The following DIAPH3 variants were observed in gnomAD, a reference collection of about 807,000 sequenced individuals.
DIAPH3 encodes the protein protein diaphanous homolog 3.
Under a neutral mutation model 144.3 loss-of-function variants are expected in DIAPH3, and 117 were observed. That is an observed-to-expected ratio of 0.81 (90% CI 0.70 to 0.95). DIAPH3 has a LOEUF of 0.95. Among genes scored for constraint, DIAPH3 ranks in the 40% least tolerant of loss-of-function variants. The probability of loss-of-function intolerance (pLI) is 0.00; values close to 1 mark genes in which losing one functional copy is unlikely to be tolerated. For missense variants in DIAPH3, 1,421 were observed against 1,412.7 expected (o/e 1.01, Z -0.09); for synonymous variants, 519 against 488.9 (o/e 1.06, Z -0.81).
chr13:59,932,178 G>T (rs567665068), intron 17 of DIAPH3, among the ~76,000 whole-genome samples: 11 of 152,184 alleles, frequency 7.2e-5, no homozygotes, highest in South Asian at 2.1e-4. Flanking sequence ...AGAGCAGACT[G>T]TAACTTTTTA....
At chr13:59,763,917 T>G (rs1367682068) in intron 27 of DIAPH3, among the ~76,000 whole-genome samples, 2 of 152,092 alleles carry the variant, frequency 1.3e-5, no homozygotes, top group Non-Finnish European at 2.9e-5. Context: ...GGTTTCTCTG[T>G]GTAATTCTCT....
At chr13:59,822,329 G>A (rs1401920624) in intron 24 of DIAPH3, among the ~76,000 whole-genome samples, 1 of 152,174 alleles carries the variant, frequency 6.6e-6, no homozygotes, top group Non-Finnish European at 1.5e-5. Context: ...TGTGCTTAAA[G>A]GTAGGCTTGC....
At chr13:59,711,823 A>G (rs1384090884) in intron 27 of DIAPH3, among the ~76,000 whole-genome samples, 1 of 152,182 alleles carries the variant, frequency 6.6e-6, no homozygotes, top group Non-Finnish European at 1.5e-5. Flanking sequence ...CAGAGTTAAC[A>G]CTAAAAAAAA....
chr13:59,913,004 A>C (rs891495797), intron 19 of DIAPH3, among the ~76,000 whole-genome samples: 1 of 152,206 alleles, frequency 6.6e-6, no homozygotes, highest in African/African-American at 2.4e-5. Flanking sequence ...GAATAAAAAT[A>C]AAAGTATATG....
intron 27 of DIAPH3, among the ~76,000 whole-genome samples, chr13:59,749,436 C>A (rs2036882239): frequency 6.7e-6 from 1 of 148,586 alleles, no homozygotes. Flanking sequence ...AGGAGAATGG[C>A]CTGAACCCGG....
At chr13:59,941,684 G>A (rs762077385) in intron 17 of DIAPH3, among the ~76,000 whole-genome samples, 18 of 151,950 alleles carry the variant, frequency 1.2e-4, no homozygotes, top group Admixed American at 4.6e-4. Flanking sequence ...AAGAGTCAGC[G>A]GACATATTTT....
intron 5 of DIAPH3, among the ~76,000 whole-genome samples, chr13:60,030,270 AG>A (rs1462191380): frequency 6.6e-6 from 1 of 152,198 alleles, no homozygotes; most frequent in Non-Finnish European, 1.5e-5. Context: ...TTGCATATAT[AG>A]ATTACAAAAT....
intron 27 of DIAPH3, among the ~76,000 whole-genome samples, chr13:59,704,970 A>T (rs538394031): frequency 6.6e-6 from 1 of 152,332 alleles, no homozygotes; most frequent in African/African-American, 2.4e-5. Flanking sequence ...TGTGAAAAGA[A>T]TTAGTTCCAT....
intron 20 of DIAPH3, among the ~76,000 whole-genome samples, chr13:59,887,680 A>G (rs2045539229): frequency 6.6e-6 from 1 of 152,110 alleles, no homozygotes; most frequent in South Asian, 2.1e-4. Context: ...TGTATTTTGC[A>G]GTTGTTGTAG....
At chr13:59,752,093 C>A (rs59780095) in intron 27 of DIAPH3, among the ~76,000 whole-genome samples, 246 of 152,266 alleles carry the variant, frequency 1.6e-3, no homozygotes, top group African/African-American at 5.7e-3. Context: ...CAGCCAATAT[C>A]CTTGTTAGTA....
At chr13:59,983,309 G>A (rs966991928) in intron 13 of DIAPH3, among the ~76,000 whole-genome samples, 1 of 151,104 alleles carries the variant, frequency 6.6e-6, no homozygotes, top group Admixed American at 6.6e-5. Context: ...CTTTGCCTAT[G>A]GAGAATTTGT....
intron 14 of DIAPH3, among the ~76,000 whole-genome samples, chr13:59,976,499 C>T (rs1339485093): frequency 6.6e-6 from 1 of 151,890 alleles, no homozygotes; most frequent in African/African-American, 2.4e-5. Flanking sequence ...AAAACATTTC[C>T]ACCATCCCAT....
intron 5 of DIAPH3, among the ~76,000 whole-genome samples, chr13:60,026,179 A>G (rs2054359268): frequency 1.3e-5 from 2 of 152,148 alleles, no homozygotes; most frequent in Non-Finnish European, 2.9e-5. Context: ...CTCCCACCAG[A>G]ACCAGTTGGG....
intron 14 of DIAPH3, among the ~76,000 whole-genome samples, chr13:59,978,663 C>T (rs1341119873): frequency 1.3e-5 from 2 of 151,626 alleles, no homozygotes; most frequent in Non-Finnish European, 3.0e-5. Context: ...TTTGTTTTAG[C>T]ATTTTTGTAA....
chr13:60,100,281 T>C (rs2058233525), intron 3 of DIAPH3, among the ~76,000 whole-genome samples: 1 of 152,140 alleles, frequency 6.6e-6, no homozygotes, highest in African/African-American at 2.4e-5. Context: ...CTCTGTGGTA[T>C]TTATCCCAAA....
intron 23 of DIAPH3, 108 bp downstream of exon 23, chr13:59,839,216 T>C (rs2042205736): frequency 7.3e-7 from 1 of 1,378,408 alleles, no homozygotes; most frequent in Non-Finnish European, 1.0e-6. Flanking sequence ...CTTTCTGTAA[T>C]TTGGCACTAC....
At chr13:59,929,589 G>T (rs1291377280) in intron 17 of DIAPH3, among the ~76,000 whole-genome samples, 8 of 112,594 alleles carry the variant, frequency 7.1e-5, no homozygotes, top group African/African-American at 2.7e-4. Context: ...TTGAGATAGA[G>T]TCTTGCTCTG....
intron 1 of DIAPH3, among the ~76,000 whole-genome samples, chr13:60,158,507 C>G (rs886466107): frequency 6.6e-6 from 1 of 152,152 alleles, no homozygotes. Context: ...GATTCAATCT[C>G]CATGTGCTGA....
chr13:59,700,773 G>A (rs981921102), intron 27 of DIAPH3, among the ~76,000 whole-genome samples: 6 of 152,136 alleles, frequency 3.9e-5, no homozygotes. Flanking sequence ...TGCTATAACG[G>A]TAAGTCTTTA....
Sources: allele counts gnomAD v4.1 joint callset (sites outside exome capture counted in the v4.1 genomes callset), GRCh38; gene constraint gnomAD v4.1.1; transcripts MANE v1.5; gene names NCBI Gene and HGNC (gene_info 2026-07-23, HGNC 2026-07-21).